The following PDXDC1 variants were observed in gnomAD, a reference collection of about 807,000 sequenced individuals.
PDXDC1 encodes the protein pyridoxal dependent decarboxylase domain containing 1.
In PDXDC1, 42 loss-of-function variants were observed where a neutral mutation model predicts 100.1. The ratio of observed to expected loss-of-function variants is 0.42; its 90% CI spans 0.33 to 0.54. The LOEUF is 0.54. Among genes scored for constraint, PDXDC1 ranks in the 20% least tolerant of loss-of-function variants. The probability of loss-of-function intolerance (pLI) is 0.10; values close to 1 mark genes in which losing one functional copy is unlikely to be tolerated. For synonymous variants in PDXDC1, 260 were observed against 371.7 expected, an observed-to-expected ratio of 0.70 and a Z score of 3.46; for missense variants, 636 against 979.2, an observed-to-expected ratio of 0.65 and a Z score of 4.68.
chr16:15,028,834 G>T (rs2042830422), intron 14 of PDXDC1, 44 bp from the exon 15 acceptor site: 1 of 1,591,414 alleles, frequency 6.3e-7, no homozygotes, highest in Admixed American at 1.7e-5. Flanking sequence ...TTTTTGGTCA[G>T]CCGTGTTTCT....
At chr16:15,130,377 C>G in intron 16 of PDXDC1, 1 of 1,572,734 alleles carries the variant, frequency 6.4e-7, no homozygotes, top group South Asian at 1.2e-5. Flanking sequence ...CGTGTACAGG[C>G]CCACGGACAC....
At chr16:15,125,646 G>T (rs764682751) in intron 16 of PDXDC1, 2 of 1,241,824 alleles carry the variant, frequency 1.6e-6, no homozygotes, top group Admixed American at 1.7e-5. Context: ...GCGCCAAGGC[G>T]GCAGGACCCC....
At chr16:15,148,481 TC>T in the PDXDC1 span, among the ~76,000 whole-genome samples, 1 of 142,736 alleles carries the variant, frequency 7.0e-6, no homozygotes, top group African/African-American at 2.6e-5. Context: ...CCTCCTCGGC[TC>T]AAGTGATGTC....
At chr16:15,014,987 G>C (rs1385254164) in intron 8 of PDXDC1, among the ~76,000 whole-genome samples, 1 of 152,274 alleles carries the variant, frequency 6.6e-6, no homozygotes, top group Non-Finnish European at 1.5e-5. Flanking sequence ...GCCCAGGCTG[G>C]AGTGCAGTGG....
At chr16:15,071,128 G>C in intron 16 of PDXDC1, 1 of 1,607,014 alleles carries the variant, frequency 6.2e-7, no homozygotes, top group Non-Finnish European at 8.5e-7. Context: ...TACATAAGAG[G>C]AATAAATTTA....
chr16:15,035,772 CTG>C (rs2151661567), intron 22 of PDXDC1, among the ~76,000 whole-genome samples: 1 of 152,296 alleles, frequency 6.6e-6, no homozygotes, highest in East Asian at 1.9e-4. Flanking sequence ...GACATTGTCA[CTG>C]TGGTGTTTAC....
intron 12 of PDXDC1, among the ~76,000 whole-genome samples, chr16:15,019,313 G>A (rs2042008915): frequency 6.6e-6 from 1 of 152,290 alleles, no homozygotes. Context: ...ACTACGGTGA[G>A]GGAATAGGAA....
chr16:15,146,417 G>A, the PDXDC1 span, among the ~76,000 whole-genome samples: 9 of 152,270 alleles, frequency 5.9e-5, no homozygotes, highest in East Asian at 9.6e-4. Flanking sequence ...GCCAGCTTAC[G>A]TCAAAAGAAC....
chr16:15,071,205 T>C, intron 16 of PDXDC1: 1 of 1,611,136 alleles, frequency 6.2e-7, no homozygotes, highest in South Asian at 1.1e-5. Context: ...ATTACTTGGG[T>C]CCTGCAATTT....
intron 16 of PDXDC1, chr16:15,063,305 C>G (rs778280930): frequency 1.3e-6 from 2 of 1,567,932 alleles, no homozygotes; most frequent in Admixed American, 3.3e-5. Flanking sequence ...GATCACATTT[C>G]AAAGTCAAGT....
intron 16 of PDXDC1, among the ~76,000 whole-genome samples, chr16:15,063,704 CAAAAAAAAAAAA>C (rs10664930): frequency 3.4e-5 from 3 of 89,114 alleles, no homozygotes; most frequent in African/African-American, 1.5e-4. Context: ...GACTCTGTCT[CAAAAAAAAAAAA>C]AAAAAAGAAA....
intron 22 of PDXDC1, among the ~76,000 whole-genome samples, 196 bp from the exon 23 acceptor site, chr16:15,035,820 G>C (rs959843692): frequency 1.3e-5 from 2 of 152,106 alleles, no homozygotes; most frequent in African/African-American, 2.4e-5. Flanking sequence ...TGACCTTAGA[G>C]TTCCCCGGCC....
At chr16:15,089,705 C>T (rs2046046858) in intron 16 of PDXDC1, among the ~76,000 whole-genome samples, 1 of 135,490 alleles carries the variant, frequency 7.4e-6, no homozygotes, top group African/African-American at 2.8e-5. Context: ...GAGGCTGAGG[C>T]AGGAGAATCG....
intron 16 of PDXDC1, among the ~76,000 whole-genome samples, chr16:15,048,663 A>G (rs1444945950): frequency 6.6e-6 from 1 of 152,138 alleles, no homozygotes; most frequent in Non-Finnish European, 1.5e-5. Context: ...TCACTCTGTC[A>G]CCCAAGCTGG....
chr16:15,050,521 C>CTAAG (rs1461058246), intron 16 of PDXDC1, among the ~76,000 whole-genome samples: 3 of 152,088 alleles, frequency 2.0e-5, no homozygotes, highest in Admixed American at 6.5e-5. Flanking sequence ...CTGCTTGAGC[C>CTAAG]TAAGAGTTCA....
At chr16:15,106,556 C>T (rs1407130475) in intron 16 of PDXDC1, among the ~76,000 whole-genome samples, 1 of 150,050 alleles carries the variant, frequency 6.7e-6, no homozygotes, top group Non-Finnish European at 1.5e-5. Flanking sequence ...GAGATTGAGA[C>T]CATCCTGGCT....
the PDXDC1 span, among the ~76,000 whole-genome samples, chr16:15,146,840 G>A: frequency 6.6e-6 from 1 of 152,008 alleles, no homozygotes; most frequent in African/African-American, 2.4e-5. Context: ...GGGGCTGCCA[G>A]TGGCTGAGCC....
At chr16:15,006,842 T>C (rs1198452685) in intron 6 of PDXDC1, among the ~76,000 whole-genome samples, 1 of 152,296 alleles carries the variant, frequency 6.6e-6, no homozygotes, top group African/African-American at 2.4e-5. Flanking sequence ...GTTTATATGG[T>C]TGTATCTGGC....
intron 16 of PDXDC1, among the ~76,000 whole-genome samples, chr16:15,128,556 G>A (rs2047882209): frequency 6.6e-6 from 1 of 152,128 alleles, no homozygotes; most frequent in African/African-American, 2.4e-5. Context: ...ACTGCAATTT[G>A]TCCAATAAAC....
Sources: gnomAD v4.1 joint callset for allele counts (sites outside exome capture counted in the v4.1 genomes callset) on GRCh38, gnomAD v4.1.1 for gene constraint, MANE v1.5 for transcripts, NCBI Gene and HGNC (gene_info 2026-07-23, HGNC 2026-07-21) for gene names.